The following ARID3B variants were observed in gnomAD, a reference collection of about 807,000 sequenced individuals.
ARID3B encodes the protein AT-rich interactive domain-containing protein 3B.
In ARID3B, 10 loss-of-function variants were observed where a neutral mutation model predicts 51.9. The ratio of observed to expected loss-of-function variants is 0.19; its 90% confidence interval spans 0.12 to 0.33. ARID3B has a LOEUF of 0.33. Among genes scored for constraint, ARID3B ranks in the 10% least tolerant of loss-of-function variants. The pLI is 1.00. For missense variants in ARID3B, 483 were observed against 716.3 expected (o/e 0.67, Z 3.72); for synonymous variants, 205 against 279.5 (o/e 0.73, Z 2.66).
intron 2 of ARID3B, among the ~76,000 whole-genome samples, chr15:74,568,476 C>A (rs2061707399): frequency 6.6e-6 from 1 of 152,192 alleles, no homozygotes; most frequent in Non-Finnish European, 1.5e-5. Flanking sequence ...TATTTGAGCT[C>A]TTTGAGCCAT....
chr15:74,579,093 C>T (rs1349753178), intron 4 of ARID3B, among the ~76,000 whole-genome samples: 1 of 152,168 alleles, frequency 6.6e-6, no homozygotes, highest in East Asian at 1.9e-4. Context: ...CAGGCCGCCC[C>T]GAATGACCGC....
At chr15:74,568,830 G>A (rs2061709207) in intron 2 of ARID3B, among the ~76,000 whole-genome samples, 2 of 152,148 alleles carry the variant, frequency 1.3e-5, no homozygotes, top group African/African-American at 4.8e-5. Flanking sequence ...TCCCACACAC[G>A]TTTCTGGGCT....
Position 74,544,074 on chromosome 15 carries a change from G to C in ARID3B, c.138G>C (p.Leu46=). The C allele has an allele frequency of 6.2e-7, 1 of 1,613,948 alleles. No individual in the cohort carries two copies. Among genetic ancestry groups the C allele is most frequent in the Non-Finnish European group, 8.5e-7 (1 of 1,179,876 alleles). Residue 46 remains leucine, a synonymous_variant, in exon 2 of 9, where the codon CTG becomes CTC. Coordinates refer to ENST00000346246, the MANE Select transcript of ARID3B (RefSeq NM_006465.4). ...REAQFLYAQK[L]VTQPTLLSAT... Reference sequence around the variant, plus strand: ...CCCAGTTCTTGTATGCCCAAAAGCTGGTCACACAGCCGACTCTCCTTTCCG... The same window carrying C: ...CCCAGTTCTTGTATGCCCAAAAGCTCGTCACACAGCCGACTCTCCTTTCCG...
chr15:74,570,193 A>G (rs1172213878), intron 2 of ARID3B, among the ~76,000 whole-genome samples: 1 of 152,132 alleles, frequency 6.6e-6, no homozygotes, highest in African/African-American at 2.4e-5. Flanking sequence ...GGTTGGACAA[A>G]GCTGGAGAAG....
chr15:74,595,806 T>C lies in ARID3B; in HGVS notation c.*32T>C, dbSNP rs2061823019. The C allele has an allele frequency of 3.8e-6, 6 of 1,585,464 alleles. No individual in the cohort carries two copies. The highest frequency in any genetic ancestry group is 5.2e-6 in the Non-Finnish European group (6 of 1,165,000). The stretch of plus-strand genomic sequence containing the variant: ...GGACCCAGCTTCCCACTTGCCACTC[T>C]CCTGTCGAGAGTGAAGGAAGTTGAT... On this transcript the variant is annotated 3_prime_UTR_variant, in exon 9 of 9. Transcript: ENST00000346246.
intron 2 of ARID3B, among the ~76,000 whole-genome samples, chr15:74,559,985 G>C (rs1238584813): frequency 1.7e-5 from 2 of 120,076 alleles, no homozygotes; most frequent in African/African-American, 6.3e-5. Context: ...CTTGAGCCCA[G>C]GAGTTTGAGA....
chr15:74,570,784 C>CAG (rs1368499525), intron 2 of ARID3B, among the ~76,000 whole-genome samples: 2 of 152,246 alleles, frequency 1.3e-5, no homozygotes, highest in Non-Finnish European at 2.9e-5. Flanking sequence ...GCTGACCTGA[C>CAG]AGGCATAATT....
At chr15:74,558,453 G>A (rs1044726872) in intron 2 of ARID3B, among the ~76,000 whole-genome samples, 1 of 151,482 alleles carries the variant, frequency 6.6e-6, no homozygotes, top group Non-Finnish European at 1.5e-5. Context: ...AAATCTGCCT[G>A]TTTTTACTTT....
chr15:74,590,478 AAGGC>A (rs1596264828), intron 5 of ARID3B, among the ~76,000 whole-genome samples: 1 of 152,208 alleles, frequency 6.6e-6, no homozygotes, highest in Non-Finnish European at 1.5e-5. Flanking sequence ...GACCCAGAGA[AAGGC>A]AGGCAGGAAG....
At chr15:74,552,656 G>A (rs1337554156) in intron 2 of ARID3B, among the ~76,000 whole-genome samples, 1 of 151,864 alleles carries the variant, frequency 6.6e-6, no homozygotes, top group Admixed American at 6.6e-5. Context: ...CTATGGTTTT[G>A]TCTCCTCCAG....
chr15:74,569,148 C>T (rs1315486870), intron 2 of ARID3B, among the ~76,000 whole-genome samples: 1 of 152,108 alleles, frequency 6.6e-6, no homozygotes, highest in Non-Finnish European at 1.5e-5. Context: ...ACCTGCTGCA[C>T]ACAAACTTGA....
chr15:74,555,731 G>A (rs2061654967), intron 2 of ARID3B, among the ~76,000 whole-genome samples: 1 of 151,538 alleles, frequency 6.6e-6, no homozygotes, highest in Non-Finnish European at 1.5e-5. Flanking sequence ...TGCTTTGCCC[G>A]GATCCATAAG....
At chr15:74,560,496 C>T (rs1034233273) in intron 2 of ARID3B, among the ~76,000 whole-genome samples, 2 of 152,114 alleles carry the variant, frequency 1.3e-5, no homozygotes, top group African/African-American at 2.4e-5. Flanking sequence ...CTCTGGCAGT[C>T]CTCCATGAGT....
In ARID3B at chr15:74,549,187, G is replaced by T. The variant is rs566086386; in HGVS notation, c.552+4699G>T. On this transcript the variant is annotated intron_variant, in intron 2 of 8. Transcript: ENST00000346246. ...CCCCCGGGGTTCACGCCATTCTCCT[G>T]CCTCAGCCTCCTGAGTAGCTGGGAC... 1.1e-3 allele frequency among the ~76,000 whole-genome samples: 160 copies of T among 151,996 alleles called. 1 individual carries two copies. The highest frequency in any genetic ancestry group is 3.2e-3 in the African/African-American group (132 of 41,456).
At position 74,595,673 on chromosome 15, in the gene ARID3B, G is replaced by A. The variant is rs529652330; in HGVS notation, c.1582G>A (p.Gly528Ser). Residue 528 changes from glycine to serine, a missense_variant, in exon 9 of 9, where the codon GGC becomes AGC. Physicochemically the swap from Gly to Ser is moderately conservative, Grantham distance 56. Coordinates refer to ENST00000346246, the MANE Select transcript of ARID3B (RefSeq NM_006465.4). Reference sequence around the variant, plus strand: ...CACGGGGTCTGCTCCCCAGAGCCTCGGCAGCAGCGCCAGCAGCAGCAGCAG... The same window carrying A: ...CACGGGGTCTGCTCCCCAGAGCCTCAGCAGCAGCGCCAGCAGCAGCAGCAG... ...LITGSAPQSL[G>S]SSASSSSSSH... is the part of the protein sequence containing the mutation. 11 of 1,613,556 alleles carry A rather than the reference G, an allele frequency of 6.8e-6. No homozygotes were observed. The highest frequency in any genetic ancestry group is 3.3e-4 in the Middle Eastern group (2 of 6,056).
chr15:74,591,669 G>A lies in ARID3B; in HGVS notation c.1275G>A (p.Arg425=). 1 of 1,609,430 alleles carries A rather than the reference G, an allele frequency of 6.2e-7. No homozygotes were observed. The highest frequency in any genetic ancestry group is 8.5e-7 in the Non-Finnish European group (1 of 1,178,118). Reference sequence around the variant, plus strand: ...GGACCGCCGCACTGGAGCAGCTGCGGGAGCGGCTGGAGTCAGGGGAGCCTG... The same window carrying A: ...GGACCGCCGCACTGGAGCAGCTGCGAGAGCGGCTGGAGTCAGGGGAGCCTG... ...GTRTAALEQL[R]ERLESGEPAE... Residue 425 remains arginine, a synonymous_variant, in exon 7 of 9, where the codon CGG becomes CGA. Transcript: ENST00000346246. The surrounding 1 kb of genome is among the most constrained non-coding windows in gnomAD (Gnocchi z 5.8).
intron 2 of ARID3B, among the ~76,000 whole-genome samples, chr15:74,552,598 A>G (rs2061642210): frequency 6.6e-6 from 1 of 151,674 alleles, no homozygotes; most frequent in African/African-American, 2.4e-5. Flanking sequence ...TCACCTATTC[A>G]TCTTTCCCTC....
intron 2 of ARID3B, among the ~76,000 whole-genome samples, chr15:74,555,609 G>T (rs1183356846): frequency 2.0e-5 from 3 of 151,992 alleles, no homozygotes; most frequent in African/African-American, 7.2e-5. Flanking sequence ...TGGGATTACA[G>T]GCATGAGCCA....
intron 4 of ARID3B, among the ~76,000 whole-genome samples, chr15:74,581,951 A>G (rs2061763343): frequency 6.6e-6 from 1 of 152,180 alleles, no homozygotes; most frequent in African/African-American, 2.4e-5. Context: ...CTGGGTTTTG[A>G]GAGTCTAGTG....
Sources: allele counts gnomAD v4.1 joint callset (sites outside exome capture counted in the v4.1 genomes callset), GRCh38; gene constraint gnomAD v4.1.1; non-coding constraint Gnocchi (gnomAD v3.1); transcripts MANE v1.5; gene names NCBI Gene and HGNC (gene_info 2026-07-23, HGNC 2026-07-21).